Variants in SHANK2 observed in about 807,000 individuals in gnomAD.
SHANK2 encodes the protein SH3 and multiple ankyrin repeat domains 2, also known as SH3 and multiple ankyrin repeat domains protein 2.
Under a neutral mutation model 133.7 loss-of-function variants are expected in SHANK2, and 43 were observed. That is an observed-to-expected ratio of 0.32 (90% confidence interval 0.25 to 0.41). The LOEUF is 0.41. SHANK2 is among the 10% of genes least tolerant of loss of function. The pLI is 1.00. For synonymous variants in SHANK2, 1,017 were observed against 952.8 expected (o/e 1.07, Z -1.24); for missense variants, 1,994 against 2,235.8 (o/e 0.89, Z 2.18).
intron 17 of SHANK2, among the ~76,000 whole-genome samples, chr11:70,597,220 G>A (rs1032085848): frequency 6.6e-6 from 1 of 152,066 alleles, no homozygotes; most frequent in Non-Finnish European, 1.5e-5. Context: ...CCCGCCGCCA[G>A]GGGAAACTCC....
chr11:71,147,657 A>C (rs1255269460), intron 2 of SHANK2, among the ~76,000 whole-genome samples: 3 of 152,212 alleles, frequency 2.0e-5, no homozygotes, highest in Non-Finnish European at 2.9e-5. Flanking sequence ...CACGGGGATG[A>C]CCACAGCTTA....
At chr11:70,950,642 C>T (rs1452490403) in intron 10 of SHANK2, among the ~76,000 whole-genome samples, 2 of 151,868 alleles carry the variant, frequency 1.3e-5, no homozygotes, top group African/African-American at 4.8e-5. Context: ...GGATCTCGCT[C>T]TGTGGCCCAG....
chr11:70,549,512 G>A (rs1299181478), intron 17 of SHANK2, among the ~76,000 whole-genome samples: 1 of 152,212 alleles, frequency 6.6e-6, no homozygotes, highest in Non-Finnish European at 1.5e-5. Context: ...TTTGCGAAGC[G>A]AGGTTGCTTC....
At chr11:70,502,982 A>G in intron 17 of SHANK2, 51 bp from the exon 18 acceptor site, 2 of 1,605,900 alleles carry the variant, frequency 1.2e-6, no homozygotes, top group Non-Finnish European at 1.7e-6. Flanking sequence ...GGAGAGGAAG[A>G]CAGTTGGCAC....
chr11:70,736,129 A>T (rs548914165), intron 14 of SHANK2, among the ~76,000 whole-genome samples: 2 of 151,534 alleles, frequency 1.3e-5, no homozygotes, highest in South Asian at 4.2e-4. Flanking sequence ...GTGGCAGAGG[A>T]GCCAGTCAAG....
At chr11:70,642,969 C>T (rs1480368381) in intron 17 of SHANK2, among the ~76,000 whole-genome samples, 1 of 152,180 alleles carries the variant, frequency 6.6e-6, no homozygotes, top group Non-Finnish European at 1.5e-5. Flanking sequence ...CAAAGAAATA[C>T]ATGTTGGAGG....
intron 14 of SHANK2, among the ~76,000 whole-genome samples, chr11:70,791,151 G>A (rs1947778404): frequency 6.6e-6 from 1 of 152,192 alleles, no homozygotes; most frequent in Non-Finnish European, 1.5e-5. Flanking sequence ...TGGGTGGAAA[G>A]CTTTAGAGTC....
intron 17 of SHANK2, among the ~76,000 whole-genome samples, chr11:70,537,848 A>C (rs1447681540): frequency 6.6e-6 from 1 of 152,162 alleles, no homozygotes; most frequent in Non-Finnish European, 1.5e-5. Context: ...AGCCGACGTC[A>C]ACCCTGCAGC....
rs1447307201 is a variant in SHANK2 at position 71,118,014 on chromosome 11, AT to A, written c.411+814del. Among the ~76,000 whole-genome samples the A allele has an allele frequency of 4.6e-5, 7 of 152,294 alleles. No homozygotes were observed. The East Asian group carries it at 1.4e-3, about 29-fold the overall frequency. ...TGTAGTTAGTGTCAGAATTGAATTA[AT>A]TATTGACATCCAGCTGGTGTCTGGA... On this transcript the variant is annotated intron_variant, in intron 4 of 25. Coordinates refer to ENST00000601538, the MANE Select transcript of SHANK2 (RefSeq NM_012309.5).
chr11:71,055,983 T>C (rs924238387), intron 10 of SHANK2, among the ~76,000 whole-genome samples: 9 of 152,076 alleles, frequency 5.9e-5, no homozygotes, highest in Non-Finnish European at 2.9e-5. Flanking sequence ...GCCACAATTT[T>C]TAAAAAAGTT....
intron 9 of SHANK2, among the ~76,000 whole-genome samples, chr11:71,073,158 TTTTTTTC>T (rs1590884723): frequency 0.015 from 1,151 of 79,042 alleles, 255 homozygotes; most frequent in African/African-American, 0.028. Flanking sequence ...TTTTTTTTCT[TTTTTTTC>T]TTTTTTTTTT....
intron 2 of SHANK2, among the ~76,000 whole-genome samples, chr11:71,221,538 C>T (rs1954541873): frequency 6.6e-6 from 1 of 152,196 alleles, no homozygotes; most frequent in South Asian, 2.1e-4. Context: ...ATTACACCCA[C>T]AAGTGGAAAA....
intron 14 of SHANK2, among the ~76,000 whole-genome samples, chr11:70,720,072 TC>T (rs1555028580): frequency 6.6e-6 from 1 of 152,036 alleles, no homozygotes; most frequent in African/African-American, 2.4e-5. Flanking sequence ...CCAGAACAGC[TC>T]CTGCTGGAAG....
chr11:71,242,792 GC>G (rs1348291862), intron 1 of SHANK2, among the ~76,000 whole-genome samples: 3 of 152,232 alleles, frequency 2.0e-5, no homozygotes, highest in Non-Finnish European at 4.4e-5. Flanking sequence ...CTTCTCAAGG[GC>G]ACGTGGAACA....
At chr11:70,791,502 C>G (rs1046577113) in intron 14 of SHANK2, among the ~76,000 whole-genome samples, 1 of 152,198 alleles carries the variant, frequency 6.6e-6, no homozygotes, top group African/African-American at 2.4e-5. Flanking sequence ...CTGTCTCTTA[C>G]GCACAGAAAC....
chr11:70,620,903 C>T (rs143637920), intron 17 of SHANK2, among the ~76,000 whole-genome samples: 23 of 152,286 alleles, frequency 1.5e-4, no homozygotes, highest in African/African-American at 5.3e-4. Context: ...TTCTAGTCTC[C>T]AAATAAATGC....
chr11:70,504,513 C>A (rs552233596), intron 17 of SHANK2, among the ~76,000 whole-genome samples: 8 of 152,186 alleles, frequency 5.3e-5, no homozygotes, highest in African/African-American at 1.9e-4. Context: ...GCTGTGGGAC[C>A]GGCTCATTCC....
chr11:70,757,073 A>C (rs1053708910), intron 14 of SHANK2, among the ~76,000 whole-genome samples: 4 of 152,216 alleles, frequency 2.6e-5, no homozygotes, highest in Admixed American at 6.5e-5. Context: ...GGCAGGTAAC[A>C]AATGCTTAAT....
At chr11:70,476,944 G>GT (rs1283110444) in intron 25 of SHANK2, among the ~76,000 whole-genome samples, 1 of 152,240 alleles carries the variant, frequency 6.6e-6, no homozygotes, top group Non-Finnish European at 1.5e-5. Flanking sequence ...GGCCCAGAGG[G>GT]TTGCCCCAGT....
Sources: gnomAD v4.1 joint callset for allele counts (sites outside exome capture counted in the v4.1 genomes callset) on GRCh38, gnomAD v4.1.1 for gene constraint, MANE v1.5 for transcripts, NCBI Gene and HGNC (gene_info 2026-07-23, HGNC 2026-07-21) for gene names.